CAMTA1: variants seen among roughly 807,000 people sequenced by gnomAD.
The protein encoded by CAMTA1 is calmodulin-binding transcription activator 1.
Under a neutral mutation model 170.9 loss-of-function variants are expected in CAMTA1, and 27 were observed. The ratio of observed to expected loss-of-function variants is 0.16; its 90% CI spans 0.12 to 0.22. The LOEUF (loss-of-function observed/expected upper bound fraction) is 0.22, where lower values mean the gene tolerates loss of function less well. CAMTA1 is among the 10% of genes least tolerant of loss of function. The probability of loss-of-function intolerance (pLI) is 1.00; values close to 1 mark genes in which losing one functional copy is unlikely to be tolerated. For missense variants in CAMTA1, 1,619 were observed against 2,217.2 expected (o/e 0.73, Z 5.42); for synonymous variants, 833 against 891.5 (o/e 0.93, Z 1.17).
intron 3 of CAMTA1, among the ~76,000 whole-genome samples, chr1:6,855,993 T>C (rs1662197313): frequency 6.6e-6 from 1 of 152,126 alleles, no homozygotes; most frequent in African/African-American, 2.4e-5. Context: ...CTGCCAGAAG[T>C]TGCTCACTAG....
intron 5 of CAMTA1, among the ~76,000 whole-genome samples, chr1:7,310,647 T>TTCTTTCTTTCTTTC (rs1553129423): frequency 2.0e-5 from 1 of 49,148 alleles, no homozygotes; most frequent in African/African-American, 8.0e-5. Flanking sequence ...TTTCTTTCTT[T>TTCTTTCTTTCTTTC]TTTCTTTCTT....
At chr1:6,824,159 T>C (rs368322597) in intron 2 of CAMTA1, among the ~76,000 whole-genome samples, 2 of 152,200 alleles carry the variant, frequency 1.3e-5, no homozygotes, top group African/African-American at 4.8e-5. Context: ...TACCTAGTTA[T>C]GTGTACCCTT....
chr1:7,325,485 C>T lies in CAMTA1; in HGVS notation c.438+75859C>T, dbSNP rs191777835. Among the ~76,000 whole-genome samples, 75 of 152,278 alleles carry T rather than the reference C, an allele frequency of 4.9e-4. 1 individual carries two copies. The highest frequency in any genetic ancestry group is 6.2e-4 in the Non-Finnish European group (42 of 68,014). On this transcript the variant is annotated intron_variant, in intron 5 of 22. Coordinates refer to ENST00000303635, the MANE Select transcript of CAMTA1 (RefSeq NM_015215.4). The surrounding 1 kb of genome is among the most constrained non-coding windows in gnomAD (Gnocchi z 5.0). ...CGTTCAAAGACAGCAAGGAAGCCAG[C>T]GTGGCAGGGCCAGCTAGGATGCTAA...
rs964038081 is a variant in CAMTA1 at position 6,934,542 on chromosome 1, C to A, written c.234+109332C>A. Among the ~76,000 whole-genome samples the A allele has an allele frequency of 6.6e-6, 1 of 152,252 alleles. No individual in the cohort carries two copies. ...GAAAAGGAACTTGGCCACTGTGGAC[C>A]CGCTTGGGCTAGCTGCGTGTCTCTG... is the stretch of plus-strand genomic sequence containing the variant. On this transcript the variant is annotated intron_variant, in intron 3 of 22. Transcript: ENST00000303635. The surrounding 1 kb of genome is among the most constrained non-coding windows in gnomAD (Gnocchi z 4.5).
chr1:6,905,188 CTTTTTTT>C (rs34960802), intron 3 of CAMTA1, among the ~76,000 whole-genome samples: 12 of 109,908 alleles, frequency 1.1e-4, no homozygotes, highest in East Asian at 1.1e-3. Flanking sequence ...TGCCTTGTTC[CTTTTTTT>C]TTTTTTTTTT....
intron 4 of CAMTA1, among the ~76,000 whole-genome samples, chr1:7,244,838 C>T (rs928303264): frequency 6.6e-6 from 1 of 152,078 alleles, no homozygotes; most frequent in Non-Finnish European, 1.5e-5. Context: ...CACATGTATA[C>T]ATATGTAACA....
intron 3 of CAMTA1, among the ~76,000 whole-genome samples, chr1:6,924,072 T>C (rs1682589017): frequency 6.6e-6 from 1 of 152,138 alleles, no homozygotes; most frequent in Admixed American, 6.5e-5. Flanking sequence ...TAAGAGACTG[T>C]TAGGAACGCA....
chr1:6,926,514 T>C (rs1683266879), intron 3 of CAMTA1, among the ~76,000 whole-genome samples: 1 of 147,708 alleles, frequency 6.8e-6, no homozygotes, highest in Non-Finnish European at 1.5e-5. Flanking sequence ...CCTTCCTTCC[T>C]TCCTTCTTTC....
intron 3 of CAMTA1, among the ~76,000 whole-genome samples, chr1:6,834,043 G>T (rs756567708): frequency 1.5e-4 from 23 of 152,164 alleles, no homozygotes; most frequent in African/African-American, 5.3e-4. Context: ...ATGGCGCTTG[G>T]TGACCTTTGA....
chr1:7,543,265 G>A (rs1029869898), intron 6 of CAMTA1, among the ~76,000 whole-genome samples: 3 of 152,122 alleles, frequency 2.0e-5, no homozygotes, highest in Non-Finnish European at 4.4e-5. Flanking sequence ...CCGGTGTTCA[G>A]CACTATAAAT....
intron 4 of CAMTA1, among the ~76,000 whole-genome samples, chr1:7,221,633 G>C (rs1660789106): frequency 6.6e-6 from 1 of 152,094 alleles, no homozygotes; most frequent in Admixed American, 6.6e-5. Flanking sequence ...GGAACGCTGG[G>C]GTCTCAGTGT....
In CAMTA1 at chr1:7,682,188, T is replaced by C. The variant is rs1236986843; in HGVS notation, c.2914+4455T>C. Among the ~76,000 whole-genome samples the C allele has an allele frequency of 6.6e-6, 1 of 152,190 alleles. No homozygotes were observed. The highest frequency in any genetic ancestry group is 2.4e-5 in the African/African-American group (1 of 41,452). ...TCAGGGGTGAGGGGGGACCCTGTCA[T>C]CTCAGGCAGAGCGGGGAGCATGGAC... On this transcript the variant is annotated intron_variant, in intron 11 of 22. Coordinates refer to ENST00000303635, the MANE Select transcript of CAMTA1 (RefSeq NM_015215.4). The surrounding 1 kb of genome is among the most constrained non-coding windows in gnomAD (Gnocchi z 5.0).
chr1:7,032,076 C>G (rs1702890863), intron 3 of CAMTA1, among the ~76,000 whole-genome samples: 1 of 152,052 alleles, frequency 6.6e-6, no homozygotes, highest in South Asian at 2.1e-4. Context: ...AGAAATTTTC[C>G]TCCCTCAGCC....
chr1:7,553,239 A>G (rs12738978), intron 6 of CAMTA1, among the ~76,000 whole-genome samples: 1 of 71,434 alleles, frequency 1.4e-5, no homozygotes, highest in Non-Finnish European at 4.2e-5. Flanking sequence ...GAGGGAATGA[A>G]TGAATGAGGG....
intron 1 of CAMTA1, among the ~76,000 whole-genome samples, chr1:6,801,350 T>C (rs750560855): frequency 4.6e-5 from 7 of 152,264 alleles, no homozygotes; most frequent in African/African-American, 1.7e-4. Context: ...TTTAGTCTCT[T>C]TAGCTTCTGT....
chr1:7,476,304 G>A (rs1369277412), intron 6 of CAMTA1, among the ~76,000 whole-genome samples: 1 of 152,208 alleles, frequency 6.6e-6, no homozygotes, highest in Non-Finnish European at 1.5e-5. Flanking sequence ...ACCCTGTGGT[G>A]TCAAAGCCAT....
At position 6,843,785 on chromosome 1, in the gene CAMTA1, CT is replaced by C. The variant is rs1357026274; in HGVS notation, c.234+18581del. ...ATGAGCCACTGCGCCCGGCCCCAAA[CT>C]TTTTTATAATTCTCTATGACATTGA... On this transcript the variant is annotated intron_variant, in intron 3 of 22. Coordinates refer to ENST00000303635, the MANE Select transcript of CAMTA1 (RefSeq NM_015215.4). Among the ~76,000 whole-genome samples, 3 of 152,176 alleles carry C rather than the reference CT, an allele frequency of 2.0e-5. 1 individual carries two copies. The highest frequency in any genetic ancestry group is 4.1e-4 in the South Asian group (2 of 4,830).
intron 1 of CAMTA1, among the ~76,000 whole-genome samples, chr1:6,788,755 G>T (rs1640169522): frequency 6.6e-6 from 1 of 152,188 alleles, no homozygotes; most frequent in Admixed American, 6.5e-5. Context: ...AGGCGCAGTG[G>T]AAGGAAAAGT....
chr1:7,732,096 T>C lies in CAMTA1; in HGVS notation c.2915-352T>C, dbSNP rs1321619208. The stretch of plus-strand genomic sequence containing the variant: ...ACTAGTTTAATTTAAATTGTATTTA[T>C]TTATTTTACTTGCTCTAGAGGGCTC... On this transcript the variant is annotated intron_variant, in intron 11 of 22. Coordinates refer to ENST00000303635, the MANE Select transcript of CAMTA1 (RefSeq NM_015215.4). This position sits in a 1 kb window ranked among gnomAD's most constrained non-coding sequence, Gnocchi z 4.1. Among the ~76,000 whole-genome samples the C allele has an allele frequency of 1.3e-5, 2 of 152,134 alleles. No homozygotes were observed. The highest frequency in any genetic ancestry group is 4.8e-5 in the African/African-American group (2 of 41,424).
Sources: allele counts gnomAD v4.1 joint callset (sites outside exome capture counted in the v4.1 genomes callset), GRCh38; gene constraint gnomAD v4.1.1; non-coding constraint Gnocchi (gnomAD v3.1); transcripts MANE v1.5; gene names NCBI Gene and HGNC (gene_info 2026-07-23, HGNC 2026-07-21).